Variants in CSMD1 observed in about 807,000 individuals in gnomAD.
CSMD1 encodes the protein CUB and sushi domain-containing protein 1.
Under a neutral mutation model 417.5 loss-of-function variants are expected in CSMD1, and 213 were observed. The ratio of observed to expected loss-of-function variants is 0.51; its 90% CI spans 0.46 to 0.57. The LOEUF is 0.57. CSMD1 is among the 20% of genes least tolerant of loss of function. CSMD1 has a pLI of 0.00. For missense variants in CSMD1, 6,923 were observed against 4,529.7 expected (o/e 1.53, Z -15.17); for synonymous variants, 2,862 against 1,736.8 (o/e 1.65, Z -16.11).
chr8:3,429,240 G>A (rs1022561766), intron 12 of CSMD1, among the ~76,000 whole-genome samples: 9 of 152,160 alleles, frequency 5.9e-5, no homozygotes, highest in Non-Finnish European at 1.3e-4. Flanking sequence ...CAAATGCTAC[G>A]AACCTTGATT....
At chr8:4,645,150 A>T (rs949519148) in intron 1 of CSMD1, among the ~76,000 whole-genome samples, 6 of 152,032 alleles carry the variant, frequency 3.9e-5, no homozygotes, top group African/African-American at 7.2e-5. Flanking sequence ...TGGGAAGCTA[A>T]TTTTTCTCCT....
At chr8:4,416,185 A>G (rs1215320218) in intron 3 of CSMD1, among the ~76,000 whole-genome samples, 2 of 152,176 alleles carry the variant, frequency 1.3e-5, no homozygotes, top group African/African-American at 4.8e-5. Context: ...TAAATACCGG[A>G]GTCACTGTTT....
At chr8:4,798,055 C>G (rs928487477) in intron 1 of CSMD1, among the ~76,000 whole-genome samples, 1 of 152,172 alleles carries the variant, frequency 6.6e-6, no homozygotes, top group Non-Finnish European at 1.5e-5. Context: ...GGTACATGCG[C>G]ACAACGTGCA....
chr8:3,362,924 T>A (rs777780627), intron 20 of CSMD1, among the ~76,000 whole-genome samples: 18 of 152,226 alleles, frequency 1.2e-4, no homozygotes, highest in Non-Finnish European at 1.9e-4. Flanking sequence ...GTCTTTCAAG[T>A]AAACATTGAA....
chr8:3,427,579 T>C (rs1813935804), intron 12 of CSMD1, among the ~76,000 whole-genome samples: 1 of 152,184 alleles, frequency 6.6e-6, no homozygotes, highest in Non-Finnish European at 1.5e-5. Flanking sequence ...TTCAAATCTA[T>C]GAGATATGAA....
At chr8:4,941,993 A>T (rs1317394453) in intron 1 of CSMD1, among the ~76,000 whole-genome samples, 2 of 152,122 alleles carry the variant, frequency 1.3e-5, no homozygotes, top group African/African-American at 4.8e-5. Context: ...GTCATTTAAA[A>T]CCTGAATCAA....
At chr8:3,198,966 G>A (rs1796845608) in intron 33 of CSMD1, among the ~76,000 whole-genome samples, 1 of 152,140 alleles carries the variant, frequency 6.6e-6, no homozygotes, top group African/African-American at 2.4e-5. Context: ...CTCTGAACAA[G>A]ATCATTTCTT....
At chr8:4,432,698 C>T in intron 2 of CSMD1, among the ~76,000 whole-genome samples, 1 of 152,168 alleles carries the variant, frequency 6.6e-6, no homozygotes, top group South Asian at 2.1e-4. Context: ...CGTCTCTCTC[C>T]AGAGCCTGTG....
At chr8:4,629,888 T>G (rs1195822776) in intron 2 of CSMD1, among the ~76,000 whole-genome samples, 1 of 152,182 alleles carries the variant, frequency 6.6e-6, no homozygotes, top group African/African-American at 2.4e-5. Flanking sequence ...TAAATCTGAA[T>G]GCTTTTCCTT....
intron 7 of CSMD1, among the ~76,000 whole-genome samples, chr8:3,684,766 G>A (rs1285756044): frequency 2.0e-5 from 3 of 152,006 alleles, no homozygotes; most frequent in Admixed American, 1.3e-4. Flanking sequence ...TAGAGTCAGA[G>A]CTTGACGGCA....
intron 11 of CSMD1, among the ~76,000 whole-genome samples, chr8:3,470,769 T>C (rs1817047005): frequency 6.6e-6 from 1 of 152,212 alleles, no homozygotes; most frequent in Non-Finnish European, 1.5e-5. Context: ...ACAAATGAAA[T>C]CACAGTGTTT....
At chr8:3,631,894 A>G (rs1223875616) in intron 7 of CSMD1, among the ~76,000 whole-genome samples, 1 of 152,200 alleles carries the variant, frequency 6.6e-6, no homozygotes, top group African/African-American at 2.4e-5. Context: ...GACTTTATGC[A>G]GAGTAGACTG....
chr8:3,296,695 G>C (rs772524907), intron 25 of CSMD1, among the ~76,000 whole-genome samples: 1 of 152,162 alleles, frequency 6.6e-6, no homozygotes, highest in African/African-American at 2.4e-5. Context: ...TGAAGGGAGA[G>C]AAAACAGGCT....
intron 3 of CSMD1, among the ~76,000 whole-genome samples, chr8:4,236,029 T>TC (rs1802028077): frequency 6.5e-5 from 1 of 15,282 alleles, no homozygotes; most frequent in Non-Finnish European, 4.3e-4. Flanking sequence ...GGATATTGTT[T>TC]TTTTTGTTTG....
intron 5 of CSMD1, among the ~76,000 whole-genome samples, chr8:3,948,656 T>G (rs1323999957): frequency 6.6e-6 from 1 of 152,180 alleles, no homozygotes; most frequent in Non-Finnish European, 1.5e-5. Flanking sequence ...ACAACTTTCC[T>G]AAAGAAATAA....
intron 3 of CSMD1, among the ~76,000 whole-genome samples, chr8:4,204,498 G>C (rs563778080): frequency 6.6e-6 from 1 of 152,172 alleles, no homozygotes; most frequent in East Asian, 1.9e-4. Context: ...AAATAAACCA[G>C]ATTCAATTTC....
At chr8:3,429,166 A>C (rs764012153) in intron 12 of CSMD1, among the ~76,000 whole-genome samples, 3 of 152,198 alleles carry the variant, frequency 2.0e-5, no homozygotes, top group Non-Finnish European at 4.4e-5. Flanking sequence ...ATATTTCAAA[A>C]TAGCTAGAAG....
At chr8:4,683,557 G>A (rs759808023) in intron 1 of CSMD1, among the ~76,000 whole-genome samples, 17 of 152,124 alleles carry the variant, frequency 1.1e-4, no homozygotes, top group Non-Finnish European at 2.4e-4. Flanking sequence ...CTAGAGGCAC[G>A]TTCTATTGTG....
intron 26 of CSMD1, among the ~76,000 whole-genome samples, chr8:3,257,232 G>A (rs1290010024): frequency 6.6e-6 from 1 of 152,188 alleles, no homozygotes; most frequent in Non-Finnish European, 1.5e-5. Flanking sequence ...GCTGAGGCAG[G>A]AGAATCGCTT....
Sources: gnomAD v4.1 joint callset for allele counts (sites outside exome capture counted in the v4.1 genomes callset) on GRCh38, gnomAD v4.1.1 for gene constraint, MANE v1.5 for transcripts, NCBI Gene and HGNC (gene_info 2026-07-23, HGNC 2026-07-21) for gene names.